Variants in TSHZ3 observed in about 807,000 individuals in gnomAD.
The protein encoded by TSHZ3 is teashirt homolog 3.
Under a neutral mutation model 64.5 loss-of-function variants are expected in TSHZ3, and 10 were observed. The ratio of observed to expected loss-of-function variants is 0.16; its 90% CI spans 0.10 to 0.26. The LOEUF is 0.26. TSHZ3 is among the 10% of genes least tolerant of loss of function. The pLI, the probability that TSHZ3 is intolerant of heterozygous loss-of-function variation, is 1.00. For synonymous variants in TSHZ3, 608 were observed against 593.1 expected (o/e 1.03, Z -0.36); for missense variants, 1,242 against 1,421.7 (o/e 0.87, Z 2.03).
chr19:31,232,636 C>A (rs542900092), intron 3 of TSHZ3, among the ~76,000 whole-genome samples: 39 of 152,342 alleles, frequency 2.6e-4, no homozygotes, highest in Non-Finnish European at 4.0e-4. Context: ...ACTCATGCAA[C>A]CACCACCCTG....
In TSHZ3 at chr19:31,289,488, G is replaced by A. The variant is rs370262967; in HGVS notation, c.41-9736C>T. ...AAGGAAGAGATGATGTCAGAAGCAC[G>A]CCTGCAGCATTAGTGTTCCTGACCA... On this transcript the variant is annotated intron_variant, in intron 1 of 1. Coordinates refer to ENST00000240587, the MANE Select transcript of TSHZ3 (RefSeq NM_020856.4). Among the ~76,000 whole-genome samples, 46 of 152,302 alleles carry A rather than the reference G, an allele frequency of 3.0e-4. 1 individual carries two copies. Among genetic ancestry groups the A allele is most frequent in the African/African-American group, 1.1e-3 (44 of 41,562 alleles).
chr19:31,294,979 T>G (rs1976638756), intron 1 of TSHZ3, among the ~76,000 whole-genome samples: 3 of 152,220 alleles, frequency 2.0e-5, no homozygotes, highest in Admixed American at 6.5e-5. Context: ...CTGACCCAGA[T>G]AGCAATCTTT....
downstream of TSHZ3, among the ~76,000 whole-genome samples, chr19:31,271,328 T>C (rs1009640556): frequency 6.6e-6 from 1 of 151,754 alleles, no homozygotes; most frequent in Non-Finnish European, 1.5e-5. Context: ...TGCCCGTGAG[T>C]CAAACAGCAT....
At chr19:31,252,726 T>C (rs563607887) in intron 1 of TSHZ3, among the ~76,000 whole-genome samples, 1 of 152,316 alleles carries the variant, frequency 6.6e-6, no homozygotes, top group South Asian at 2.1e-4. Flanking sequence ...ACTGAGTCCA[T>C]TAAACCTCTT....
chr19:31,349,029 G>T, intron 1 of TSHZ3, 151 bp downstream of exon 1: 1 of 952,796 alleles, frequency 1.0e-6, no homozygotes, highest in Non-Finnish European at 1.5e-6. Context: ...TACCCGAGGC[G>T]GGCGCACGCA....
chr19:31,193,257 T>A (rs1244066349), intron 5 of TSHZ3, among the ~76,000 whole-genome samples: 1 of 152,208 alleles, frequency 6.6e-6, no homozygotes, highest in Non-Finnish European at 1.5e-5. Flanking sequence ...AAATTTTCTT[T>A]CACTCAAGAA....
intron 4 of TSHZ3, among the ~76,000 whole-genome samples, chr19:31,216,329 A>G (rs576536595): frequency 1.3e-5 from 2 of 152,342 alleles, no homozygotes; most frequent in East Asian, 3.9e-4. Context: ...GGCCTCATGA[A>G]GACAGCACTT....
chr19:31,236,393 A>T (rs1403825960), intron 3 of TSHZ3, among the ~76,000 whole-genome samples: 3 of 152,128 alleles, frequency 2.0e-5, no homozygotes, highest in African/African-American at 7.2e-5. Flanking sequence ...ATGATTAGAG[A>T]CACTGAGCAC....
chr19:31,288,029 G>C (rs1976493880), intron 1 of TSHZ3, among the ~76,000 whole-genome samples: 1 of 152,134 alleles, frequency 6.6e-6, no homozygotes, highest in East Asian at 1.9e-4. Context: ...CGAACTCCTG[G>C]ACTCAGGCCA....
At chr19:31,197,735 A>C (rs2145146227) in intron 5 of TSHZ3, among the ~76,000 whole-genome samples, 1 of 152,108 alleles carries the variant, frequency 6.6e-6, no homozygotes, top group South Asian at 2.1e-4. Flanking sequence ...GATAAAATGT[A>C]CTAAAACTCA....
intron 6 of TSHZ3, among the ~76,000 whole-genome samples, chr19:31,153,339 A>G (rs545455790): frequency 7.2e-5 from 11 of 152,358 alleles, no homozygotes; most frequent in African/African-American, 2.6e-4. Flanking sequence ...GAAACATTCT[A>G]CAAAAGAGAA....
At chr19:31,346,556 G>C (rs1917597586) in intron 1 of TSHZ3, among the ~76,000 whole-genome samples, 1 of 152,018 alleles carries the variant, frequency 6.6e-6, no homozygotes, top group Admixed American at 6.6e-5. Flanking sequence ...TTTCAGTTTG[G>C]AGGGGAAAAA....
chr19:31,154,192 T>G (rs1273641521), intron 6 of TSHZ3, among the ~76,000 whole-genome samples: 1 of 152,202 alleles, frequency 6.6e-6, no homozygotes, highest in East Asian at 1.9e-4. Flanking sequence ...GCCCCACCCG[T>G]AGGTGCCTTG....
chr19:31,190,310 A>G (rs1974883632), intron 5 of TSHZ3, among the ~76,000 whole-genome samples: 1 of 152,192 alleles, frequency 6.6e-6, no homozygotes, highest in East Asian at 1.9e-4. Flanking sequence ...GGGGGAAAGA[A>G]AGCTACAAGA....
At chr19:31,304,807 A>G (rs1480654713) in intron 1 of TSHZ3, among the ~76,000 whole-genome samples, 2 of 152,220 alleles carry the variant, frequency 1.3e-5, no homozygotes, top group Non-Finnish European at 2.9e-5. Flanking sequence ...TCTTTGTTGA[A>G]TGCACAAGCA....
chr19:31,322,594 A>G (rs1448210338), intron 1 of TSHZ3, among the ~76,000 whole-genome samples: 1 of 151,908 alleles, frequency 6.6e-6, no homozygotes, highest in African/African-American at 2.4e-5. Flanking sequence ...CTAACTTTTA[A>G]TGTTTTGTAG....
At chr19:31,178,328 G>A (rs181504636) in intron 5 of TSHZ3, among the ~76,000 whole-genome samples, 98 of 152,190 alleles carry the variant, frequency 6.4e-4, no homozygotes, top group African/African-American at 2.1e-3. Context: ...TTCCTCATTC[G>A]CACCCCTCCT....
chr19:31,206,355 G>A (rs1356174375), intron 4 of TSHZ3, among the ~76,000 whole-genome samples: 4 of 152,126 alleles, frequency 2.6e-5, no homozygotes, highest in Admixed American at 2.6e-4. Context: ...GTGGATGGGT[G>A]TATGGATGAA....
At chr19:31,190,727 A>T (rs1974891499) in intron 5 of TSHZ3, among the ~76,000 whole-genome samples, 1 of 152,124 alleles carries the variant, frequency 6.6e-6, no homozygotes, top group Non-Finnish European at 1.5e-5. Flanking sequence ...GTAGAAATCG[A>T]CTCTGAAATG....
Sources: gnomAD v4.1 joint callset for allele counts (sites outside exome capture counted in the v4.1 genomes callset) on GRCh38, gnomAD v4.1.1 for gene constraint, MANE v1.5 for transcripts, NCBI Gene and HGNC (gene_info 2026-07-23, HGNC 2026-07-21) for gene names.